Variants in DNAH17 observed in about 807,000 individuals in gnomAD.
DNAH17 encodes the protein axonemal beta dynein heavy chain 17.
Under a neutral mutation model 485.6 loss-of-function variants are expected in DNAH17, and 376 were observed. That is an observed-to-expected ratio of 0.77 (90% CI 0.71 to 0.84). The LOEUF (loss-of-function observed/expected upper bound fraction) is 0.84, where lower values mean the gene tolerates loss of function less well. DNAH17 is among the 40% of genes least tolerant of loss of function. The probability of loss-of-function intolerance (pLI) is 0.00; values close to 1 mark genes in which losing one functional copy is unlikely to be tolerated. For synonymous variants in DNAH17, 3,031 were observed against 2,405.9 expected (o/e 1.26, Z -7.60); for missense variants, 6,370 against 5,839.3 (o/e 1.09, Z -2.96).
chr17:78,479,337 A>C, intron 50 of DNAH17, 148 bp downstream of exon 50: 4 of 1,189,886 alleles, frequency 3.4e-6, no homozygotes, highest in Non-Finnish European at 4.5e-6. Flanking sequence ...GTATTTCACA[A>C]TTTCTCCTGT....
At chr17:78,455,993 T>C (rs2087780609) in intron 62 of DNAH17, among the ~76,000 whole-genome samples, 157 bp from the exon 63 acceptor site, 1 of 152,198 alleles carries the variant, frequency 6.6e-6, no homozygotes, top group African/African-American at 2.4e-5. Flanking sequence ...GGAAATGCTT[T>C]AGAGAAGCCC....
chr17:78,537,628 C>A (rs2091413693), intron 18 of DNAH17, 147 bp from the exon 19 acceptor site: 5 of 994,896 alleles, frequency 5.0e-6, no homozygotes, highest in Non-Finnish European at 7.4e-6. Context: ...TCTCAGCGCA[C>A]CCCGCTCCTT....
At chr17:78,562,061 G>A (rs1320910786) in intron 11 of DNAH17, 81 bp from the exon 12 acceptor site, 23 of 1,473,650 alleles carry the variant, frequency 1.6e-5, no homozygotes, top group Non-Finnish European at 2.1e-5. Context: ...AAACGGGCAG[G>A]GCCAATCTTC....
At chr17:78,537,177 CAAAA>C in intron 19 of DNAH17, 118 bp downstream of exon 19, 3 of 837,702 alleles carry the variant, frequency 3.6e-6, no homozygotes, top group South Asian at 2.2e-5. Flanking sequence ...GATTCCGTCT[CAAAA>C]AAAAAAAAAG....
At chr17:78,537,172 CGT>C in intron 19 of DNAH17, 125 bp downstream of exon 19, 1 of 1,034,398 alleles carries the variant, frequency 9.7e-7, no homozygotes, top group Non-Finnish European at 1.3e-6. Context: ...AGTGAGATTC[CGT>C]CTCAAAAAAA....
At chr17:78,484,847 T>G in intron 48 of DNAH17, 21 bp downstream of exon 48, 1 of 1,405,852 alleles carries the variant, frequency 7.1e-7, no homozygotes, top group Non-Finnish European at 9.4e-7. Context: ...CGCCTTCCCC[T>G]CCGGCCCCGC....
At position 78,569,537 on chromosome 17, in the gene DNAH17, A is replaced by T; in HGVS notation, c.1045-10T>A. 6.3e-7 allele frequency: 1 copy of T among 1,598,158 alleles called. No individual in the cohort carries two copies. Among genetic ancestry groups the T allele is most frequent in the Non-Finnish European group, 8.5e-7 (1 of 1,172,744 alleles). The stretch of plus-strand genomic sequence containing the variant: ...TCAGGAAGGTTCGTGTCTGGGCAAA[A>T]GAGAAGACAGACATCTAAAGCTCCG... On this transcript the variant is annotated splice_polypyrimidine_tract_variant and intron_variant, in intron 7 of 80. Transcript: ENST00000389840.
Position 78,544,800 on chromosome 17 carries a change from C to CAAAAAAAAAAA in DNAH17, c.2392-814_2392-804dup, listed in dbSNP as rs55669221. On this transcript the variant is annotated intron_variant, in intron 16 of 80. Transcript: ENST00000389840. Reference sequence around the variant, plus strand: ...TGGGGCACAGAGCGAGACTCAGTCTCAAAAAAAAAAAAAAAAAAAAAAAAG... The same window carrying CAAAAAAAAAAA: ...TGGGGCACAGAGCGAGACTCAGTCTCAAAAAAAAAAAAAAAAAAAAAAAAAAAAAAAAAAAG... Among the ~76,000 whole-genome samples, 10 of 46,876 alleles carry CAAAAAAAAAAA rather than the reference C, an allele frequency of 2.1e-4. 1 individual carries two copies. Among genetic ancestry groups the CAAAAAAAAAAA allele is most frequent in the African/African-American group, 3.0e-4 (3 of 10,142 alleles). The allele number at this position is 46,876 out of a possible 152,430, so 30.8% of individuals were successfully genotyped here. A position where few individuals can be genotyped will look rare whatever the true frequency, so the allele number is the denominator to read the frequency against.
Position 78,449,545 on chromosome 17 carries a change from T to TG in DNAH17, c.11079dup (p.Thr3694HisfsTer66). On this transcript the variant is annotated frameshift_variant, in exon 69 of 81. Coordinates refer to ENST00000389840, the MANE Select transcript of DNAH17 (RefSeq NM_173628.4). LOFTEE classifies it high-confidence loss of function. ...CGCTGCTTCACCTCGTTGGCAGGGGTGGTCCTCTGGATGGCTTTCTCAAAC... is the reference window on the plus strand; with the variant it reads ...CGCTGCTTCACCTCGTTGGCAGGGGTGGGTCCTCTGGATGGCTTTCTCAAAC... 6.2e-7 allele frequency: 1 copy of TG among 1,603,456 alleles called. No homozygotes were observed. Among genetic ancestry groups the TG allele is most frequent in the Non-Finnish European group, 8.5e-7 (1 of 1,175,430 alleles).
intron 37 of DNAH17, among the ~76,000 whole-genome samples, chr17:78,497,907 C>T (rs2090131028): frequency 6.6e-6 from 1 of 152,162 alleles, no homozygotes; most frequent in African/African-American, 2.4e-5. Context: ...GTTTGGGAGG[C>T]CGAGGTGGGT....
In DNAH17 at chr17:78,484,894, G is replaced by T. The variant is rs531812987; in HGVS notation, c.7623C>A (p.Ile2541=). ...KYGTVAPHTL[I]RQHMDHRHWY... Reference sequence around the variant, plus strand: ...AGTGCCGGTGGTCCATGTGCTGCCGGATGAGGGTGTGCGGGGCCACCGTCC... The same window carrying T: ...AGTGCCGGTGGTCCATGTGCTGCCGTATGAGGGTGTGCGGGGCCACCGTCC... Residue 2541 remains isoleucine, a synonymous_variant, in exon 48 of 81, where the codon ATC becomes ATA. Coordinates refer to ENST00000389840, the MANE Select transcript of DNAH17 (RefSeq NM_173628.4). 1 of 1,581,730 alleles carries T rather than the reference G, an allele frequency of 6.3e-7. No homozygotes were observed. The highest frequency in any genetic ancestry group is 8.6e-7 in the Non-Finnish European group (1 of 1,163,704).
At chr17:78,443,922 G>A (rs2087171651) in intron 71 of DNAH17, among the ~76,000 whole-genome samples, 1 of 152,192 alleles carries the variant, frequency 6.6e-6, no homozygotes, top group Non-Finnish European at 1.5e-5. Context: ...GAAAAGGGGA[G>A]AAGCCAGACA....
chr17:78,438,432 A>AGGAG (rs2086930012), intron 73 of DNAH17, among the ~76,000 whole-genome samples: 1 of 50,720 alleles, frequency 2.0e-5, no homozygotes, highest in Admixed American at 2.0e-4. Context: ...GAGAAGGAGG[A>AGGAG]GGAGGAGGAG....
intron 75 of DNAH17, among the ~76,000 whole-genome samples, 194 bp from the exon 76 acceptor site, chr17:78,429,494 G>T (rs189163071): frequency 6.6e-6 from 1 of 152,166 alleles, no homozygotes; most frequent in Non-Finnish European, 1.5e-5. Context: ...TCCATTCCGC[G>T]CCACCAGACG....
rs551034015 is a variant in DNAH17 at position 78,558,105 on chromosome 17, C to G, written c.2178+3G>C. ...CAGGAATAGTACCGACTCACCAACT[C>G]ACCTCATTATACCAGCCAACGATGA... On this transcript the variant is annotated splice_donor_region_variant and intron_variant, in intron 14 of 80. Transcript: ENST00000389840. 1 of 1,611,968 alleles carries G rather than the reference C, an allele frequency of 6.2e-7. No homozygotes were observed. The highest frequency in any genetic ancestry group is 8.5e-7 in the Non-Finnish European group (1 of 1,179,170).
rs549319902 is a variant in DNAH17, at chr17:78,463,158, G to T, written c.8941-81C>A. The T allele has an allele frequency of 1.3e-4, 178 of 1,351,312 alleles. No individual in the cohort carries two copies. The South Asian group carries it at 2.1e-3, about 16-fold the overall frequency. The allele number at this position is 1,351,312 out of a possible 1,614,324, so 83.7% of individuals were successfully genotyped here. A position where few individuals can be genotyped will look rare whatever the true frequency, so the allele number is the denominator to read the frequency against. ...GTGGGGCTCCCCAGACTCACCAGGG[G>T]CCCTGGACAAGGTGCCCTGAGACCG... On this transcript the variant is annotated intron_variant, in intron 56 of 80. Coordinates refer to ENST00000389840, the MANE Select transcript of DNAH17 (RefSeq NM_173628.4).
intron 37 of DNAH17, among the ~76,000 whole-genome samples, chr17:78,498,289 G>A (rs1200439671): frequency 6.6e-6 from 1 of 152,216 alleles, no homozygotes; most frequent in Non-Finnish European, 1.5e-5. Context: ...TGTGGTGGGA[G>A]GACCTTGACA....
chr17:78,528,976 C>G (rs866992333), intron 22 of DNAH17, among the ~76,000 whole-genome samples: 7 of 149,006 alleles, frequency 4.7e-5, no homozygotes, highest in Non-Finnish European at 1.0e-4. Context: ...AAGACAGAAT[C>G]TCTGTCGCCC....
chr17:78,483,481 T>C (rs2089441514), intron 48 of DNAH17, among the ~76,000 whole-genome samples: 1 of 151,792 alleles, frequency 6.6e-6, no homozygotes, highest in Non-Finnish European at 1.5e-5. Flanking sequence ...AATACAAAAA[T>C]TAGGTGGGCA....
Sources: allele counts gnomAD v4.1 joint callset (sites outside exome capture counted in the v4.1 genomes callset), GRCh38; gene constraint gnomAD v4.1.1; transcripts MANE v1.5; gene names NCBI Gene and HGNC (gene_info 2026-07-23, HGNC 2026-07-21).